CORIN: variants seen among roughly 807,000 people sequenced by gnomAD.
CORIN encodes the protein atrial natriuretic peptide-converting enzyme.
A neutral mutation model predicts 125.3 loss-of-function variants in CORIN; 117 were observed. The observed-to-expected ratio is 0.93, with a 90% CI of 0.80 to 1.09. The LOEUF is 1.09. Among genes scored for constraint, CORIN ranks in the 50% least tolerant of loss-of-function variants. The pLI is 0.00. For synonymous variants in CORIN, 450 were observed against 466.4 expected (o/e 0.96, Z 0.45); for missense variants, 1,253 against 1,306.7 (o/e 0.96, Z 0.63).
At chr4:47,627,691 G>T (rs1722636610) in intron 16 of CORIN, among the ~76,000 whole-genome samples, 2 of 152,146 alleles carry the variant, frequency 1.3e-5, no homozygotes, top group Admixed American at 6.5e-5. Context: ...AAAAGTCAGA[G>T]GCCACACATA....
intron 5 of CORIN, among the ~76,000 whole-genome samples, chr4:47,700,027 A>T (rs1726215846): frequency 6.6e-6 from 1 of 152,084 alleles, no homozygotes; most frequent in Non-Finnish European, 1.5e-5. Context: ...TCAGTTTCCT[A>T]CTCCATTTCA....
intron 4 of CORIN, among the ~76,000 whole-genome samples, chr4:47,762,041 CAT>C (rs776321421): frequency 6.6e-6 from 1 of 151,690 alleles, no homozygotes; most frequent in Admixed American, 6.6e-5. Flanking sequence ...TATATATACA[CAT>C]GTATACACAC....
At chr4:47,679,360 G>A (rs57716063) in intron 8 of CORIN, among the ~76,000 whole-genome samples, 4 of 136,900 alleles carry the variant, frequency 2.9e-5, no homozygotes, top group Non-Finnish European at 5.0e-5. Context: ...TTATTACTAC[G>A]TTCTCTCTTT....
At chr4:47,617,655 T>C (rs1577741478) in intron 19 of CORIN, among the ~76,000 whole-genome samples, 1 of 152,218 alleles carries the variant, frequency 6.6e-6, no homozygotes, top group East Asian at 1.9e-4. Flanking sequence ...AATTTTTCTT[T>C]TAGTGGACAT....
rs77167220 is a variant in CORIN at position 47,744,586 on chromosome 4, A to G, written c.618-3T>C. On this transcript the variant is annotated splice_region_variant and splice_polypyrimidine_tract_variant and intron_variant, in intron 4 of 21. Coordinates refer to ENST00000273857, the MANE Select transcript of CORIN (RefSeq NM_006587.4). ...ACCTACAGGGCAGGAGTCCATGACT[A>G]AAAAAAAAAAAAGAGAAAGGTGAAA... The G allele has an allele frequency of 7.9e-5, 22 of 279,590 alleles. No homozygotes were observed. Among genetic ancestry groups the G allele is most frequent in the African/African-American group, 2.9e-4 (12 of 41,506 alleles). The allele number at this position is 279,590 out of a possible 1,614,324, so 17.3% of individuals were successfully genotyped here. A position where few individuals can be genotyped will look rare whatever the true frequency, so the allele number is the denominator to read the frequency against.
chr4:47,624,798 A>T (rs748308142), intron 17 of CORIN, among the ~76,000 whole-genome samples: 2 of 152,142 alleles, frequency 1.3e-5, no homozygotes, highest in Non-Finnish European at 2.9e-5. Context: ...ACCTCAATGT[A>T]AATGAAAAAG....
At chr4:47,649,897 C>G (rs1339765651) in intron 13 of CORIN, among the ~76,000 whole-genome samples, 2 of 152,230 alleles carry the variant, frequency 1.3e-5, no homozygotes, top group Admixed American at 1.3e-4. Flanking sequence ...CTGCTAGCTA[C>G]AGAGCAAAGA....
rs762162658 is a variant in CORIN, at chr4:47,603,459, T to C, written c.2750A>G (p.Glu917Gly). The C allele has an allele frequency of 1.2e-6, 2 of 1,614,186 alleles. No homozygotes were observed. The highest frequency in any genetic ancestry group is 2.2e-5 in the East Asian group (1 of 44,880). Residue 917 changes from glutamate (E) to glycine (G), a missense_variant, in exon 20 of 22, where the codon GAG becomes GGG. Coordinates refer to ENST00000273857, the MANE Select transcript of CORIN (RefSeq NM_006587.4). ...YVRPVCLPNP[E>G]QWLEPDTYCY... Reference sequence around the variant, plus strand: ...GTACGTGTCAGGCTCTAGCCACTGCTCCGGGTTGGGCAAGCAGACAGGCCG... The same window carrying C: ...GTACGTGTCAGGCTCTAGCCACTGCCCCGGGTTGGGCAAGCAGACAGGCCG...
chr4:47,692,783 T>C (rs1725826222), intron 6 of CORIN, among the ~76,000 whole-genome samples, 187 bp downstream of exon 6: 1 of 152,200 alleles, frequency 6.6e-6, no homozygotes, highest in Non-Finnish European at 1.5e-5. Context: ...AGCCTCTACC[T>C]GTTGAGCTCC....
At chr4:47,821,022 G>A (rs1442639379) in intron 1 of CORIN, among the ~76,000 whole-genome samples, 3 of 152,118 alleles carry the variant, frequency 2.0e-5, no homozygotes, top group African/African-American at 7.2e-5. Context: ...GGATCATGAG[G>A]TTAGGAGTTC....
chr4:47,698,046 AATT>A (rs748950673), intron 5 of CORIN, among the ~76,000 whole-genome samples: 132 of 151,682 alleles, frequency 8.7e-4, no homozygotes, highest in Admixed American at 2.4e-3. Flanking sequence ...ATTCTATAAT[AATT>A]AATTATTATA....
At chr4:47,690,919 CTG>C (rs1323484392) in intron 6 of CORIN, among the ~76,000 whole-genome samples, 2 of 152,208 alleles carry the variant, frequency 1.3e-5, no homozygotes, top group African/African-American at 4.8e-5. Context: ...CCTTCAATGT[CTG>C]TGTTTTCATA....
chr4:47,756,274 G>A (rs769668686), intron 4 of CORIN, among the ~76,000 whole-genome samples: 6 of 152,186 alleles, frequency 3.9e-5, no homozygotes, highest in African/African-American at 7.2e-5. Flanking sequence ...CAGTGCAACT[G>A]GAGCCAGGTC....
At chr4:47,692,013 C>G (rs1489712948) in intron 6 of CORIN, among the ~76,000 whole-genome samples, 3 of 151,932 alleles carry the variant, frequency 2.0e-5, no homozygotes, top group Non-Finnish European at 4.4e-5. Flanking sequence ...CTAACTGTGG[C>G]TGTTTATATA....
intron 4 of CORIN, among the ~76,000 whole-genome samples, chr4:47,758,530 TA>T (rs1195192522): frequency 6.6e-6 from 1 of 152,004 alleles, no homozygotes; most frequent in Admixed American, 6.6e-5. Context: ...CCAAGCCTAT[TA>T]AAAAAACAAA....
At chr4:47,665,349 T>C (rs774146082) in intron 10 of CORIN, 86 bp from the exon 11 acceptor site, 24 of 962,472 alleles carry the variant, frequency 2.5e-5, no homozygotes, top group Middle Eastern at 2.7e-4. Flanking sequence ...AAGTCTATTT[T>C]ATTCTTTCTT....
rs182430182 is a variant in CORIN at position 47,786,766 on chromosome 4, G to A, written c.368C>T (p.Thr123Met). 4.1e-5 allele frequency: 66 copies of A among 1,614,116 alleles called. 1 individual carries two copies. Among genetic ancestry groups the A allele is most frequent in the East Asian group, 2.2e-4 (10 of 44,886 alleles). Residue 123 changes from threonine (T) to methionine (M), a missense_variant, in exon 3 of 22, where the codon ACG (threonine) becomes ATG (methionine). Thr to Met is a moderately conservative substitution (Grantham distance 81). Transcript: ENST00000273857. ...HPDQHVPAWT[T>M]DASLPGDQSH... ...TTGGTCCCCTGGGAGAGAAGCATCCGTAGTCCAGGCTGGAACGTGTTGGTC... is the reference window on the plus strand; with the variant it reads ...TTGGTCCCCTGGGAGAGAAGCATCCATAGTCCAGGCTGGAACGTGTTGGTC...
chr4:47,826,925 G>T lies in CORIN; in HGVS notation c.63+10962C>A, dbSNP rs191763905. 2.5e-4 allele frequency among the ~76,000 whole-genome samples: 38 copies of T among 151,590 alleles called. 2 individuals are homozygous for T. The East Asian group carries it at 4.6e-3, about 19-fold the overall frequency. On this transcript the variant is annotated intron_variant, in intron 1 of 21. Transcript: ENST00000273857. ...GTAGTGAAATTTAAAGACTTGTTAT[G>T]AAAAAAAGGTAAAAGATTTCATTAA...
chr4:47,829,804 A>G (rs1484522708), intron 1 of CORIN, among the ~76,000 whole-genome samples: 1 of 152,224 alleles, frequency 6.6e-6, no homozygotes, highest in East Asian at 1.9e-4. Context: ...AAAATGGGAC[A>G]GTGTCCTGCT....
Sources: allele counts gnomAD v4.1 joint callset (sites outside exome capture counted in the v4.1 genomes callset), GRCh38; gene constraint gnomAD v4.1.1; transcripts MANE v1.5; gene names NCBI Gene and HGNC (gene_info 2026-07-23, HGNC 2026-07-21).